The following HDAC1 variants were observed in gnomAD, a reference collection of about 807,000 sequenced individuals.
The protein encoded by HDAC1 is protein deacetylase HDAC1.
In HDAC1, 18 loss-of-function variants were observed where a neutral mutation model predicts 65.5. That is an observed-to-expected ratio of 0.27 (90% CI 0.19 to 0.41). The LOEUF is 0.41. Among genes scored for constraint, HDAC1 ranks in the 10% least tolerant of loss-of-function variants. The probability of loss-of-function intolerance (pLI) is 1.00; values close to 1 mark genes in which losing one functional copy is unlikely to be tolerated. For missense variants in HDAC1, 373 were observed against 625.2 expected, an observed-to-expected ratio of 0.60 and a Z score of 4.30; for synonymous variants, 211 against 227.9, an observed-to-expected ratio of 0.93 and a Z score of 0.67.
Position 32,327,345 on chromosome 1 carries a change from G to T in HDAC1, c.495-191G>T, listed in dbSNP as rs960065578. ...ACCCTGGCTGTAGAGTAGGAAGATC[G>T]GACTTGGTCGGCTTGGTCAGGCCTC... On this transcript the variant is annotated intron_variant, in intron 5 of 13. Transcript: ENST00000373548. This position sits in a 1 kb window ranked among gnomAD's most constrained non-coding sequence, Gnocchi z 6.0. 1 of 628,022 alleles carries T rather than the reference G, an allele frequency of 1.6e-6. No homozygotes were observed. The highest frequency in any genetic ancestry group is 1.8e-5 in the African/African-American group (1 of 54,514). 38.9% of individuals were successfully genotyped at this position (628,022 alleles called of 1,614,324 possible). A position where few individuals can be genotyped will look rare whatever the true frequency, so the allele number is the denominator to read the frequency against.
chr1:32,292,358 A>G, intron 1 of HDAC1, 140 bp downstream of exon 1: 2 of 1,496,340 alleles, frequency 1.3e-6, no homozygotes, highest in Non-Finnish European at 1.8e-6. Flanking sequence ...GCGAGGGGGA[A>G]GTCGAGGCTG....
chr1:32,325,329 T>G (rs1222562601), intron 4 of HDAC1, among the ~76,000 whole-genome samples: 1 of 152,230 alleles, frequency 6.6e-6, no homozygotes, highest in Non-Finnish European at 1.5e-5. Flanking sequence ...TATTTTCCTG[T>G]GATCCCCCAC....
chr1:32,297,366 A>G (rs1370952951), intron 1 of HDAC1, among the ~76,000 whole-genome samples: 1 of 151,810 alleles, frequency 6.6e-6, no homozygotes, highest in South Asian at 2.1e-4. Flanking sequence ...ACAAAATGAG[A>G]CCTCCCCCAG....
At chr1:32,326,849 G>A in intron 4 of HDAC1, 90 bp from the exon 5 acceptor site, 2 of 1,413,002 alleles carry the variant, frequency 1.4e-6, no homozygotes, top group African/African-American at 2.8e-5. Flanking sequence ...GAATAGGCAG[G>A]TCTTAACCTT....
At chr1:32,321,076 A>G (rs142096242) in intron 3 of HDAC1, among the ~76,000 whole-genome samples, 1,891 of 148,356 alleles carry the variant, frequency 0.013, 45 homozygotes, top group African/African-American at 0.045. Context: ...CTAAAAATAC[A>G]AAAAATTAGC....
In HDAC1 at chr1:32,292,089, C is replaced by A; in HGVS notation, c.-81C>A. 7.3e-7 allele frequency: 1 copy of A among 1,371,912 alleles called. No homozygotes were observed. The highest frequency in any genetic ancestry group is 1.0e-6 in the Non-Finnish European group (1 of 996,306). The allele number at this position is 1,371,912 out of a possible 1,614,324, so 85.0% of individuals were successfully genotyped here. ...GGGCGGGCCGGAGGCCCGCCCCCTC[C>A]CCCCTGGGTCGGACGCTGAGCGGAG... On this transcript the variant is annotated 5_prime_UTR_variant, in exon 1 of 14. Transcript: ENST00000373548.
At chr1:32,297,531 T>C (rs377072204) in intron 1 of HDAC1, among the ~76,000 whole-genome samples, 24 of 152,228 alleles carry the variant, frequency 1.6e-4, no homozygotes, top group East Asian at 5.8e-4. Context: ...TGCACTCAGC[T>C]TGAGTGACAA....
rs1432811088 is a variant in HDAC1, at chr1:32,327,816, C to G, written c.636+139C>G. The G allele has an allele frequency of 1.4e-6, 1 of 733,420 alleles. No homozygotes were observed. The highest frequency in any genetic ancestry group is 2.0e-5 in the Admixed American group (1 of 49,456). 45.4% of individuals were successfully genotyped at this position (733,420 alleles called of 1,614,324 possible). A position where few individuals can be genotyped will look rare whatever the true frequency, so the allele number is the denominator to read the frequency against. ...CACATCCCAATCTGAAGCACTTGCC[C>G]TGATCTCTTTCCCTTCCTTATTCTG... is the stretch of plus-strand genomic sequence containing the variant. On this transcript the variant is annotated intron_variant, in intron 6 of 13. Coordinates refer to ENST00000373548, the MANE Select transcript of HDAC1 (RefSeq NM_004964.3). The surrounding 1 kb of genome is among the most constrained non-coding windows in gnomAD (Gnocchi z 6.0).
At chr1:32,297,514 G>A (rs1179147172) in intron 1 of HDAC1, among the ~76,000 whole-genome samples, 1 of 152,054 alleles carries the variant, frequency 6.6e-6, no homozygotes, top group South Asian at 2.1e-4. Context: ...ACCCATAATG[G>A]CACCACTGCA....
At position 32,331,398 on chromosome 1, in the gene HDAC1, T is replaced by G; in HGVS notation, c.980-76T>G. 3.6e-6 allele frequency: 3 copies of G among 832,874 alleles called. No individual in the cohort carries two copies. Among genetic ancestry groups the G allele is most frequent in the Non-Finnish European group, 6.2e-6 (3 of 480,062 alleles). The allele number at this position is 832,874 out of a possible 1,614,324, so 51.6% of individuals were successfully genotyped here. Reference sequence around the variant, plus strand: ...TAGGCCCAGAGAAACCTACAAATGCTTTAGGGTGCTTACGTGCAAATGGTT... The same window carrying G: ...TAGGCCCAGAGAAACCTACAAATGCGTTAGGGTGCTTACGTGCAAATGGTT... On this transcript the variant is annotated intron_variant, in intron 9 of 13. Coordinates refer to ENST00000373548, the MANE Select transcript of HDAC1 (RefSeq NM_004964.3). The surrounding 1 kb of genome is among the most constrained non-coding windows in gnomAD (Gnocchi z 4.2).
At position 32,331,917 on chromosome 1, in the gene HDAC1, GT is replaced by G; in HGVS notation, c.1219+115del. 1.4e-6 allele frequency: 2 copies of G among 1,454,670 alleles called. No homozygotes were observed. The highest frequency in any genetic ancestry group is 4.6e-5 in the East Asian group (2 of 43,602). The allele number at this position is 1,454,670 out of a possible 1,614,324, so 90.1% of individuals were successfully genotyped here. The stretch of plus-strand genomic sequence containing the variant: ...AAGCTCCCCACCTGTAGAGAAATCT[GT>G]TTTCGAGTTCCAGTGCCTGTAGGAA... On this transcript the variant is annotated intron_variant, in intron 11 of 13. Transcript: ENST00000373548. This position sits in a 1 kb window ranked among gnomAD's most constrained non-coding sequence, Gnocchi z 4.2.
chr1:32,299,990 G>A (rs1337836453), intron 1 of HDAC1, among the ~76,000 whole-genome samples: 1 of 151,776 alleles, frequency 6.6e-6, no homozygotes, highest in Admixed American at 6.6e-5. Context: ...CCCTGGAGGC[G>A]GAGCTTGCAG....
Position 32,331,030 on chromosome 1 carries a change from G to T in HDAC1, c.979+122G>T. 1.2e-6 allele frequency: 1 copy of T among 835,470 alleles called. No individual in the cohort carries two copies. Among genetic ancestry groups the T allele is most frequent in the Non-Finnish European group, 1.9e-6 (1 of 514,290 alleles). 51.8% of individuals were successfully genotyped at this position (835,470 alleles called of 1,614,324 possible). A position where few individuals can be genotyped will look rare whatever the true frequency, so the allele number is the denominator to read the frequency against. On this transcript the variant is annotated intron_variant, in intron 9 of 13. Coordinates refer to ENST00000373548, the MANE Select transcript of HDAC1 (RefSeq NM_004964.3). This position sits in a 1 kb window ranked among gnomAD's most constrained non-coding sequence, Gnocchi z 4.2. ...CTCCTCTTCTGATACTAGTCACTGA[G>T]TCTCCTGCCTGTCCTCTTGTGATCA... is the stretch of plus-strand genomic sequence containing the variant.
At chr1:32,313,855 T>C (rs1443574848) in intron 2 of HDAC1, among the ~76,000 whole-genome samples, 2 of 152,106 alleles carry the variant, frequency 1.3e-5, no homozygotes, top group Non-Finnish European at 2.9e-5. Flanking sequence ...TGGGTGTGAG[T>C]GCACCCTGTG....
intron 3 of HDAC1, among the ~76,000 whole-genome samples, chr1:32,320,332 A>G (rs2148066933): frequency 6.6e-6 from 1 of 152,250 alleles, no homozygotes; most frequent in Admixed American, 6.5e-5. Context: ...TTGTGGCTGA[A>G]ATGTAATAAA....
intron 3 of HDAC1, among the ~76,000 whole-genome samples, chr1:32,319,495 A>G (rs116551962): frequency 6.6e-6 from 1 of 152,128 alleles, no homozygotes; most frequent in Non-Finnish European, 1.5e-5. Flanking sequence ...GTTTTTAGAG[A>G]TGGGGTCTTG....
chr1:32,331,749 G>GAT lies in HDAC1; in HGVS notation c.1162_1163insAT (p.Ala388AspfsTer107). On this transcript the variant is annotated frameshift_variant, in exon 11 of 14. Transcript: ENST00000373548. LOFTEE classifies it high-confidence loss of function. The surrounding 1 kb of genome is among the most constrained non-coding windows in gnomAD (Gnocchi z 4.2). ...CCAAATGCAGGCGATTCCTGAGGAC[G>GAT]CCATCCCTGAGGAGAGTGGCGATGA... 1 of 1,614,002 alleles carries GAT rather than the reference G, an allele frequency of 6.2e-7. No individual in the cohort carries two copies. The highest frequency in any genetic ancestry group is 8.5e-7 in the Non-Finnish European group (1 of 1,179,962).
Position 32,316,139 on chromosome 1 carries a change from C to A in HDAC1, c.163-526C>A, listed in dbSNP as rs576158542. 2.6e-5 allele frequency among the ~76,000 whole-genome samples: 4 copies of A among 151,554 alleles called. No individual in the cohort carries two copies. In the South Asian group the frequency reaches 6.2e-4, roughly 24 times the overall value. On this transcript the variant is annotated intron_variant, in intron 2 of 13. Transcript: ENST00000373548. ...CTACTAAAAATACAAAAAAAATTAGCCGGGCGTGGTGGTGGGCGTCTGTAG... is the reference window on the plus strand; with the variant it reads ...CTACTAAAAATACAAAAAAAATTAGACGGGCGTGGTGGTGGGCGTCTGTAG...
In HDAC1 at chr1:32,331,778, C is replaced by G. The variant is rs552958105; in HGVS notation, c.1191C>G (p.Asp397Glu). ...TCCCTGAGGAGAGTGGCGATGAGGA[C>G]GAAGACGACCCTGACAAGCGCATCT... Reference protein sequence around the residue: ...DAIPEESGDEDEDDPDKRISI... With the variant: ...DAIPEESGDEEEDDPDKRISI... Residue 397 changes from aspartate to glutamate, a missense_variant, in exon 11 of 14, where the codon GAC becomes GAG. Physicochemically the swap from Asp to Glu is conservative, Grantham distance 45. Coordinates refer to ENST00000373548, the MANE Select transcript of HDAC1 (RefSeq NM_004964.3). This position sits in a 1 kb window ranked among gnomAD's most constrained non-coding sequence, Gnocchi z 4.2. 2.5e-6 allele frequency: 4 copies of G among 1,613,508 alleles called. No individual in the cohort carries two copies. Among genetic ancestry groups the G allele is most frequent in the Non-Finnish European group, 2.5e-6 (3 of 1,179,760 alleles).
Sources: allele counts gnomAD v4.1 joint callset (sites outside exome capture counted in the v4.1 genomes callset), GRCh38; gene constraint gnomAD v4.1.1; non-coding constraint Gnocchi (gnomAD v3.1); transcripts MANE v1.5; gene names NCBI Gene and HGNC (gene_info 2026-07-23, HGNC 2026-07-21).